SLC2A13: variants seen among roughly 807,000 people sequenced by gnomAD.
SLC2A13 encodes proton myo-inositol cotransporter.
Under a neutral mutation model 64.4 loss-of-function variants are expected in SLC2A13, and 32 were observed. That is an observed-to-expected ratio of 0.50 (90% CI 0.37 to 0.67). The LOEUF (loss-of-function observed/expected upper bound fraction) is 0.67, where lower values mean the gene tolerates loss of function less well. Among genes scored for constraint, SLC2A13 ranks in the 30% least tolerant of loss-of-function variants. SLC2A13 has a pLI of 0.00. For synonymous variants in SLC2A13, 338 were observed against 327.1 expected (o/e 1.03, Z -0.36); for missense variants, 743 against 829.2 (o/e 0.90, Z 1.28).
Position 39,790,274 on chromosome 12 carries a change from G to A in SLC2A13, c.1446-25416C>T, listed in dbSNP as rs536007605. Among the ~76,000 whole-genome samples the A allele has an allele frequency of 1.3e-3, 195 of 150,590 alleles. 4 individuals are homozygous for A. Among genetic ancestry groups the A allele is most frequent in the African/African-American group, 4.4e-3 (179 of 40,926 alleles). On this transcript the variant is annotated intron_variant, in intron 7 of 9. Coordinates refer to ENST00000280871, the MANE Select transcript of SLC2A13 (RefSeq NM_052885.4). ...TAGGGTACATGTGCACATTGTGCAG[G>A]TTAGTTACATATGTATACATGTGCT...
chr12:40,082,628 G>C (rs756929086), intron 1 of SLC2A13, among the ~76,000 whole-genome samples: 1 of 152,142 alleles, frequency 6.6e-6, no homozygotes, highest in Non-Finnish European at 1.5e-5. Flanking sequence ...CAGCCAAAAA[G>C]GCTAAAGCCA....
intron 6 of SLC2A13, among the ~76,000 whole-genome samples, chr12:39,849,850 CT>C (rs1297356763): frequency 6.6e-6 from 1 of 151,838 alleles, no homozygotes; most frequent in Non-Finnish European, 1.5e-5. Flanking sequence ...CTACTCCCTT[CT>C]TTTTTTTCTG....
At chr12:39,928,522 G>T (rs1945767510) in intron 4 of SLC2A13, among the ~76,000 whole-genome samples, 1 of 152,138 alleles carries the variant, frequency 6.6e-6, no homozygotes, top group Non-Finnish European at 1.5e-5. Flanking sequence ...AAAAATTAAG[G>T]ATATTAAATG....
chr12:39,871,528 T>G (rs1193087057), intron 5 of SLC2A13, among the ~76,000 whole-genome samples: 1 of 152,104 alleles, frequency 6.6e-6, no homozygotes, highest in East Asian at 1.9e-4. Context: ...TACCTTTGAG[T>G]GGAACTCAAG....
chr12:39,915,983 CT>C, intron 4 of SLC2A13, among the ~76,000 whole-genome samples: 1 of 151,940 alleles, frequency 6.6e-6, no homozygotes, highest in South Asian at 2.1e-4. Flanking sequence ...CTCCAAATGC[CT>C]TTTACTCCTA....
chr12:40,057,906 C>T (rs1948356996), intron 1 of SLC2A13, among the ~76,000 whole-genome samples: 1 of 152,002 alleles, frequency 6.6e-6, no homozygotes, highest in African/African-American at 2.4e-5. Flanking sequence ...TGGACCTGGC[C>T]TTTGAATTTT....
intron 6 of SLC2A13, among the ~76,000 whole-genome samples, chr12:39,851,337 T>C (rs184492919): frequency 6.2e-4 from 94 of 152,304 alleles, no homozygotes; most frequent in African/African-American, 2.1e-3. Flanking sequence ...TGAGAATGGA[T>C]TTATGACATA....
chr12:39,814,213 T>G (rs912185018), intron 7 of SLC2A13, among the ~76,000 whole-genome samples: 2 of 152,206 alleles, frequency 1.3e-5, no homozygotes, highest in African/African-American at 4.8e-5. Context: ...GCTGGAGTTT[T>G]AATGTCATTG....
In SLC2A13 at chr12:39,900,672, C is replaced by T. The variant is rs967005571; in HGVS notation, c.1035-28711G>A. 3.9e-5 allele frequency among the ~76,000 whole-genome samples: 6 copies of T among 152,250 alleles called. No individual in the cohort carries two copies. The East Asian group carries it at 7.7e-4, about 20-fold the overall frequency. ...CTTCAAGGAGAACCACAAACCACTGCTCAATGAAATAAAAGAGGATACAAA... is the reference window on the plus strand; with the variant it reads ...CTTCAAGGAGAACCACAAACCACTGTTCAATGAAATAAAAGAGGATACAAA... On this transcript the variant is annotated intron_variant, in intron 4 of 9. Transcript: ENST00000280871.
intron 7 of SLC2A13, among the ~76,000 whole-genome samples, chr12:39,772,944 G>A (rs750736774): frequency 1.4e-4 from 21 of 152,282 alleles, no homozygotes; most frequent in African/African-American, 2.6e-4. Context: ...TCAGCAATAC[G>A]TAGATAGCTA....
chr12:39,949,550 C>T (rs962635083), intron 4 of SLC2A13: 5 of 152,186 alleles, frequency 3.3e-5, no homozygotes, highest in African/African-American at 1.2e-4. Flanking sequence ...TTTACACTAG[C>T]TACTGCTAAT....
rs11272834 is a variant in SLC2A13 at position 39,820,717 on chromosome 12, TTATATATATATATATA to T, written c.1445+9370_1445+9385del. On this transcript the variant is annotated intron_variant, in intron 7 of 9. Transcript: ENST00000280871. ...TAATCTTCGGCTTAAATTTTTAAAT[TTATATATATATATATA>T]TATATATATATATATATATATATAT... Among the ~76,000 whole-genome samples, 198 of 132,608 alleles carry T rather than the reference TTATATATATATATATA, an allele frequency of 1.5e-3. 1 individual carries two copies. The highest frequency in any genetic ancestry group is 2.4e-3 in the South Asian group (9 of 3,754). 87.0% of individuals were successfully genotyped at this position (132,608 alleles called of 152,430 possible). A position where few individuals can be genotyped will look rare whatever the true frequency, so the allele number is the denominator to read the frequency against.
At chr12:39,820,335 T>C (rs1942456288) in intron 7 of SLC2A13, among the ~76,000 whole-genome samples, 1 of 152,206 alleles carries the variant, frequency 6.6e-6, no homozygotes, top group Admixed American at 6.5e-5. Flanking sequence ...TTTTGTGTTA[T>C]CACAGTTTTC....
At chr12:40,082,132 C>A (rs1938426056) in intron 1 of SLC2A13, among the ~76,000 whole-genome samples, 1 of 152,200 alleles carries the variant, frequency 6.6e-6, no homozygotes, top group African/African-American at 2.4e-5. Context: ...GGCAAGGCAG[C>A]AGGGGTCCCT....
rs200474799 is a variant in SLC2A13, at chr12:39,964,085, G to C, written c.926-12720C>G. On this transcript the variant is annotated intron_variant, in intron 3 of 9. Coordinates refer to ENST00000280871, the MANE Select transcript of SLC2A13 (RefSeq NM_052885.4). Reference sequence around the variant, plus strand: ...TTAAAAGAAAGAGACGATGTTTTCTGTCAGCATGATTCTCAGAAAATCATA... The same window carrying C: ...TTAAAAGAAAGAGACGATGTTTTCTCTCAGCATGATTCTCAGAAAATCATA... Among the ~76,000 whole-genome samples, 15 of 152,224 alleles carry C rather than the reference G, an allele frequency of 9.9e-5. No homozygotes were observed. The East Asian group carries it at 2.9e-3, about 29-fold the overall frequency.
intron 4 of SLC2A13, among the ~76,000 whole-genome samples, chr12:39,898,961 G>A (rs532882691): frequency 3.2e-4 from 49 of 152,264 alleles, no homozygotes; most frequent in Non-Finnish European, 3.2e-4. Context: ...TTGTGTCTCT[G>A]CCTGGCTTTG....
intron 3 of SLC2A13, among the ~76,000 whole-genome samples, chr12:40,014,570 C>T (rs754453825): frequency 1.3e-5 from 2 of 152,126 alleles, no homozygotes; most frequent in Non-Finnish European, 2.9e-5. Context: ...CGGCTCACTG[C>T]AACCTCCACC....
chr12:39,768,143 C>A (rs2135719110), intron 7 of SLC2A13, among the ~76,000 whole-genome samples: 1 of 152,202 alleles, frequency 6.6e-6, no homozygotes, highest in South Asian at 2.1e-4. Flanking sequence ...CCTTAAACCT[C>A]ATGAACCAAC....
At chr12:39,939,209 C>A (rs1238262212) in intron 4 of SLC2A13, among the ~76,000 whole-genome samples, 1 of 152,118 alleles carries the variant, frequency 6.6e-6, no homozygotes, top group African/African-American at 2.4e-5. Flanking sequence ...TTGATATCGT[C>A]CCCAAAATAT....
Sources: gnomAD v4.1 joint callset for allele counts (sites outside exome capture counted in the v4.1 genomes callset) on GRCh38, gnomAD v4.1.1 for gene constraint, MANE v1.5 for transcripts, NCBI Gene and HGNC (gene_info 2026-07-23, HGNC 2026-07-21) for gene names.